ZNF778: variants seen among roughly 807,000 people sequenced by gnomAD.
ZNF778 encodes the protein zinc finger protein 778.
A neutral mutation model predicts 23.9 loss-of-function variants in ZNF778; 37 were observed. The ratio of observed to expected loss-of-function variants is 1.54; its 90% CI spans 1.19 to 2.03. The LOEUF (loss-of-function observed/expected upper bound fraction) is 2.03, where lower values mean the gene tolerates loss of function less well. Among genes scored for constraint, ZNF778 ranks in the 30% most tolerant of loss-of-function variants. ZNF778 has a pLI of 0.00. For missense variants in ZNF778, 1,297 were observed against 934.4 expected, an observed-to-expected ratio of 1.39 and a Z score of -5.06; for synonymous variants, 483 against 343.9, an observed-to-expected ratio of 1.40 and a Z score of -4.48.
Position 89,228,023 on chromosome 16 carries a change from C to T in ZNF778, c.1735C>T (p.His579Tyr). Residue 579 changes from histidine to tyrosine, a missense_variant, in exon 7 of 7, where the codon CAC becomes TAC. Transcript: ENST00000433976. Reference sequence around the variant, plus strand: ...CAGAAATTCCTCGTGCCTGAATAAGCACATTCAGATTCACACTGGAATAAA... The same window carrying T: ...CAGAAATTCCTCGTGCCTGAATAAGTACATTCAGATTCACACTGGAATAAA... ...SFRNSSCLNK[H>Y]IQIHTGIKPY... The T allele has an allele frequency of 1.3e-6, 2 of 1,589,226 alleles. No homozygotes were observed. The highest frequency in any genetic ancestry group is 1.7e-4 in the Middle Eastern group (1 of 5,996).
rs762342317 is a variant in ZNF778, at chr16:89,227,165, A to G, written c.877A>G (p.Thr293Ala). 30 of 1,613,876 alleles carry G rather than the reference A, an allele frequency of 1.9e-5. 1 individual carries two copies. In the Admixed American group the frequency reaches 3.0e-4, roughly 16 times the overall value. ...GGAATGTGGGAAGGCCTTTAGGTAC[A>G]CTGCCTACCTTACTGGTCGCGTGCA... The part of the protein sequence containing the change: ...CRECGKAFRY[T>A]AYLTGRVQVH... Residue 293 changes from threonine (T) to alanine (A), a missense_variant, in exon 7 of 7, where the codon ACT (threonine) becomes GCT (alanine). Coordinates refer to ENST00000433976, the MANE Select transcript of ZNF778 (RefSeq NM_001201407.2).
At position 89,226,883 on chromosome 16, in the gene ZNF778, G is replaced by A. The variant is rs117690401; in HGVS notation, c.595G>A (p.Val199Met). ...TLFKIGEQFS[V>M]LGQCGKAFSS... ...GTTCAAAATTGGAGAGCAGTTTTCC[G>A]TGTTGGGTCAGTGTGGAAAAGCCTT... Residue 199 changes from valine (V) to methionine (M), a missense_variant, in exon 7 of 7, where the codon GTG (valine) becomes ATG (methionine). Physicochemically the swap from Val to Met is conservative, Grantham distance 21. Transcript: ENST00000433976. 58,979 of 1,614,000 alleles carry A rather than the reference G, an allele frequency of 0.037. 1,456 individuals are homozygous for A. Among genetic ancestry groups the A allele is most frequent in the South Asian group, 0.095 (8,638 of 91,078 alleles).
rs1482783114 is a variant in ZNF778, at chr16:89,222,117, C to T, written c.51C>T (p.Val17=). The change falls in exon 3 of 7, where the codon GTC becomes GTT. Residue 17 remains valine (V), a synonymous_variant. Coordinates refer to ENST00000433976, the MANE Select transcript of ZNF778 (RefSeq NM_001201407.2). ...GAGGTCATGTTTCTAGGGACTCAGT[C>T]TGCCTTCATGAAGAACAGACACAGG... ...AHGGHVSRDS[V]CLHEEQTQAA... is the part of the protein sequence containing the mutation. 1.9e-6 allele frequency: 3 copies of T among 1,602,966 alleles called. No homozygotes were observed. The highest frequency in any genetic ancestry group is 2.6e-6 in the Non-Finnish European group (3 of 1,173,088).
In ZNF778 at chr16:89,225,565, TAAAACC is replaced by T; in HGVS notation, c.343_348del (p.Thr115_Lys116del). ...CTTCTTTCTTTTCAGAATGGCGACT[TAAAACC>T]AAAGGGCCAGCACTTCGGCAGGATA... On this transcript the variant is annotated inframe_deletion, in exon 6 of 7. Coordinates refer to ENST00000433976, the MANE Select transcript of ZNF778 (RefSeq NM_001201407.2). 6.2e-7 allele frequency: 1 copy of T among 1,611,988 alleles called. No homozygotes were observed. The highest frequency in any genetic ancestry group is 8.5e-7 in the Non-Finnish European group (1 of 1,178,750).
In ZNF778 at chr16:89,232,614, A is replaced by G. The variant is rs900088946; in HGVS notation, c.*4052A>G. 1.7e-5 allele frequency: 20 copies of G among 1,193,292 alleles called. No homozygotes were observed. The African/African-American group carries it at 3.1e-4, about 18-fold the overall frequency. The allele number at this position is 1,193,292 out of a possible 1,614,324, so 73.9% of individuals were successfully genotyped here. A position where few individuals can be genotyped will look rare whatever the true frequency, so the allele number is the denominator to read the frequency against. The stretch of plus-strand genomic sequence containing the variant: ...TGAGGGTTCCTCAGAGTAAGATAAA[A>G]TATTAAAGGACCAATTGTATTAATT... On this transcript the variant is annotated 3_prime_UTR_variant, in exon 7 of 7. Transcript: ENST00000433976.
At chr16:89,218,548 T>C (rs1310393411) in intron 1 of ZNF778, among the ~76,000 whole-genome samples, 1 of 152,170 alleles carries the variant, frequency 6.6e-6, no homozygotes, top group Non-Finnish European at 1.5e-5. Flanking sequence ...TCCCAGCACT[T>C]TGGGAGGCCG....
In ZNF778 at chr16:89,233,609, A is replaced by G. The variant is rs2032116917; in HGVS notation, c.*5047A>G. On this transcript the variant is annotated 3_prime_UTR_variant, in exon 7 of 7. Coordinates refer to ENST00000433976, the MANE Select transcript of ZNF778 (RefSeq NM_001201407.2). ...CAACGCAACTCAACTCATACTGCATATGCAACTCAACTCACACTGTATGCA... is the reference window on the plus strand; with the variant it reads ...CAACGCAACTCAACTCATACTGCATGTGCAACTCAACTCACACTGTATGCA... The G allele has an allele frequency of 8.8e-7, 1 of 1,131,398 alleles. No homozygotes were observed. The highest frequency in any genetic ancestry group is 1.2e-6 in the Non-Finnish European group (1 of 865,346). The allele number at this position is 1,131,398 out of a possible 1,614,324, so 70.1% of individuals were successfully genotyped here.
In ZNF778 at chr16:89,236,685, G is replaced by C. The variant is rs1324767392; in HGVS notation, c.*8123G>C. 6.6e-6 allele frequency: 1 copy of C among 152,204 alleles called. No individual in the cohort carries two copies. Among genetic ancestry groups the C allele is most frequent in the Admixed American group, 6.5e-5 (1 of 15,276 alleles). The allele number at this position is 152,204 out of a possible 1,614,324, so 9.4% of individuals were successfully genotyped here. A position where few individuals can be genotyped will look rare whatever the true frequency, so the allele number is the denominator to read the frequency against. On this transcript the variant is annotated 3_prime_UTR_variant, in exon 7 of 7. Coordinates refer to ENST00000433976, the MANE Select transcript of ZNF778 (RefSeq NM_001201407.2). ...ACAACATGAAGGTGAGGGGCAACGTGGCTGGACGGCGTGGAGGTTCCGTGC... is the reference window on the plus strand; with the variant it reads ...ACAACATGAAGGTGAGGGGCAACGTCGCTGGACGGCGTGGAGGTTCCGTGC...
chr16:89,232,534 G>A lies in ZNF778; in HGVS notation c.*3972G>A, dbSNP rs572159625. On this transcript the variant is annotated 3_prime_UTR_variant, in exon 7 of 7. Coordinates refer to ENST00000433976, the MANE Select transcript of ZNF778 (RefSeq NM_001201407.2). Reference sequence around the variant, plus strand: ...CTTCCTAACTCTCAGAACGTGTTCTGTGTCACTTAGGGCAACTTATGCCCT... The same window carrying A: ...CTTCCTAACTCTCAGAACGTGTTCTATGTCACTTAGGGCAACTTATGCCCT... 10 of 869,498 alleles carry A rather than the reference G, an allele frequency of 1.2e-5. No homozygotes were observed. The South Asian group carries it at 1.8e-4, about 15-fold the overall frequency. The allele number at this position is 869,498 out of a possible 1,614,324, so 53.9% of individuals were successfully genotyped here.
chr16:89,227,263 T>G lies in ZNF778; in HGVS notation c.975T>G (p.Thr325=). The G allele has an allele frequency of 6.2e-7, 1 of 1,613,964 alleles. No individual in the cohort carries two copies. Among genetic ancestry groups the G allele is most frequent in the Non-Finnish European group, 8.5e-7 (1 of 1,179,864 alleles). Residue 325 remains threonine, a synonymous_variant, in exon 7 of 7, where the codon ACT becomes ACG. Coordinates refer to ENST00000433976, the MANE Select transcript of ZNF778 (RefSeq NM_001201407.2). ...GKASPVSSSL[T]QHVRIHAAEK... is the part of the protein sequence containing the mutation. ...CCTCCCCTGTTTCTTCCAGCCTAAC[T>G]CAACATGTAAGAATTCATGCTGCAG... is the stretch of plus-strand genomic sequence containing the variant.
chr16:89,233,578 C>T lies in ZNF778; in HGVS notation c.*5016C>T, dbSNP rs1022881364. On this transcript the variant is annotated 3_prime_UTR_variant, in exon 7 of 7. Transcript: ENST00000433976. ...TGCATATGCAACTCAGCTCGCACTG[C>T]ATATGCAACGCAACTCAACTCATAC... 18 of 1,135,356 alleles carry T rather than the reference C, an allele frequency of 1.6e-5. No individual in the cohort carries two copies. The highest frequency in any genetic ancestry group is 2.1e-5 in the Non-Finnish European group (18 of 865,616). 70.3% of individuals were successfully genotyped at this position (1,135,356 alleles called of 1,614,324 possible).
chr16:89,233,913 A>G lies in ZNF778; in HGVS notation c.*5351A>G. On this transcript the variant is annotated 3_prime_UTR_variant, in exon 7 of 7. Coordinates refer to ENST00000433976, the MANE Select transcript of ZNF778 (RefSeq NM_001201407.2). ...CCCTGAAGTCAGCCCAGGATGAGGC[A>G]CTAGACAGCAGGACATGCTGTATGC... is the stretch of plus-strand genomic sequence containing the variant. 11 of 1,289,404 alleles carry G rather than the reference A, an allele frequency of 8.5e-6. No homozygotes were observed. Among genetic ancestry groups the G allele is most frequent in the Non-Finnish European group, 1.1e-5 (11 of 988,796 alleles). The allele number at this position is 1,289,404 out of a possible 1,614,324, so 79.9% of individuals were successfully genotyped here.
intron 4 of ZNF778, among the ~76,000 whole-genome samples, chr16:89,223,927 C>G (rs1443327256): frequency 6.6e-6 from 1 of 152,102 alleles, no homozygotes; most frequent in Non-Finnish European, 1.5e-5. Context: ...TGCCTGTAAT[C>G]CGAGCACTCT....
chr16:89,223,228 G>A lies in ZNF778; in HGVS notation c.189G>A (p.Gln63=), dbSNP rs113596014. Residue 63 remains glutamine, a synonymous_variant, in exon 4 of 7, where the codon CAG becomes CAA. Transcript: ENST00000433976. The part of the protein sequence containing the change: ...QEEWTLLDPS[Q]RDLYRDVMLE... Reference sequence around the variant, plus strand: ...AATGGACTTTACTGGACCCATCTCAGAGAGACCTCTACAGAGATGTGATGC... The same window carrying A: ...AATGGACTTTACTGGACCCATCTCAAAGAGACCTCTACAGAGATGTGATGC... 21 of 1,614,002 alleles carry A rather than the reference G, an allele frequency of 1.3e-5. No individual in the cohort carries two copies. The African/African-American group carries it at 1.7e-4, about 13-fold the overall frequency.
rs1222914806 is a variant in ZNF778 at position 89,233,542 on chromosome 16, A to T, written c.*4980A>T. The T allele has an allele frequency of 1.6e-6, 2 of 1,284,130 alleles. No individual in the cohort carries two copies. The highest frequency in any genetic ancestry group is 3.1e-5 in the African/African-American group (2 of 63,818). 79.5% of individuals were successfully genotyped at this position (1,284,130 alleles called of 1,614,324 possible). On this transcript the variant is annotated 3_prime_UTR_variant, in exon 7 of 7. Coordinates refer to ENST00000433976, the MANE Select transcript of ZNF778 (RefSeq NM_001201407.2). ...CAACTCAACTCGCACTGCGTATGCAAATCAACTCACTGCATATGCAACTCA... is the reference window on the plus strand; with the variant it reads ...CAACTCAACTCGCACTGCGTATGCATATCAACTCACTGCATATGCAACTCA...
At position 89,236,531 on chromosome 16, in the gene ZNF778, A is replaced by C. The variant is rs921964126; in HGVS notation, c.*7969A>C. 1 of 152,240 alleles carries C rather than the reference A, an allele frequency of 6.6e-6. No individual in the cohort carries two copies. Among genetic ancestry groups the C allele is most frequent in the African/African-American group, 2.4e-5 (1 of 41,462 alleles). The allele number at this position is 152,240 out of a possible 1,614,324, so 9.4% of individuals were successfully genotyped here. On this transcript the variant is annotated 3_prime_UTR_variant, in exon 7 of 7. Transcript: ENST00000433976. ...ACCTGGAACAAAGGAAAAGCAATAG[A>C]AGAGTAAATACCTGAGTAAATAGAT...
intron 1 of ZNF778, among the ~76,000 whole-genome samples, chr16:89,219,914 C>T (rs574211426): frequency 4.6e-5 from 7 of 152,346 alleles, no homozygotes; most frequent in African/African-American, 1.7e-4. Flanking sequence ...TTTATGTAAT[C>T]CAGACTGCTG....
Position 89,232,414 on chromosome 16 carries a change from T to C in ZNF778, c.*3852T>C, listed in dbSNP as rs1019357739. 9.5e-6 allele frequency: 3 copies of C among 316,238 alleles called. No homozygotes were observed. The highest frequency in any genetic ancestry group is 2.2e-5 in the African/African-American group (1 of 46,140). 19.6% of individuals were successfully genotyped at this position (316,238 alleles called of 1,614,324 possible). A position where few individuals can be genotyped will look rare whatever the true frequency, so the allele number is the denominator to read the frequency against. ...TCTAAGTTACCCACAGCCTCAGATA[T>C]GTAGCAACACAGACAGACTAAGACA... On this transcript the variant is annotated 3_prime_UTR_variant, in exon 7 of 7. Coordinates refer to ENST00000433976, the MANE Select transcript of ZNF778 (RefSeq NM_001201407.2).
At chr16:89,221,183 C>T (rs764974294) in intron 2 of ZNF778, 31 bp downstream of exon 2, 1 of 1,523,388 alleles carries the variant, frequency 6.6e-7, no homozygotes, top group Non-Finnish European at 8.8e-7. Flanking sequence ...TTCTCAGAGC[C>T]TCTGCTCTAG....
Sources: allele counts gnomAD v4.1 joint callset (sites outside exome capture counted in the v4.1 genomes callset), GRCh38; gene constraint gnomAD v4.1.1; transcripts MANE v1.5; gene names NCBI Gene and HGNC (gene_info 2026-07-23, HGNC 2026-07-21).